The following RHPN1 variants were observed in gnomAD, a reference collection of about 807,000 sequenced individuals.
RHPN1 encodes the protein rhophilin Rho GTPase binding protein 1.
In RHPN1, 77 loss-of-function variants were observed where a neutral mutation model predicts 74.7. The ratio of observed to expected loss-of-function variants is 1.03; its 90% CI spans 0.86 to 1.25. The LOEUF is 1.25. Ranked by LOEUF, RHPN1 falls within the 50% of genes most tolerant of loss-of-function variation. The probability of loss-of-function intolerance (pLI) is 0.00; values close to 1 mark genes in which losing one functional copy is unlikely to be tolerated. For missense variants in RHPN1, 987 were observed against 932.2 expected (o/e 1.06, Z -0.77); for synonymous variants, 444 against 414.5 (o/e 1.07, Z -0.87).
chr8:143,379,998 C>A lies in RHPN1; in HGVS notation c.1102+13C>A, dbSNP rs747267933. The A allele has an allele frequency of 1.9e-6, 3 of 1,556,140 alleles. No homozygotes were observed. The highest frequency in any genetic ancestry group is 4.8e-5 in the East Asian group (2 of 41,252). On this transcript the variant is annotated intron_variant, in intron 9 of 14. Transcript: ENST00000289013. ...TGCGACGGCTCCCGTGAGTGCCCAC[C>A]ACACTTGCCCATGGTACTGCCAAGG...
chr8:143,375,123 GA>G (rs1401458297), intron 1 of RHPN1, among the ~76,000 whole-genome samples: 4 of 152,142 alleles, frequency 2.6e-5, no homozygotes, highest in Non-Finnish European at 5.9e-5. Context: ...AGTTGGATGG[GA>G]AAAAAATTGG....
intron 10 of RHPN1, 161 bp from the exon 11 acceptor site, chr8:143,380,428 C>T: frequency 1.4e-6 from 1 of 698,102 alleles, no homozygotes; most frequent in East Asian, 2.8e-5. Flanking sequence ...TTGCACGTGG[C>T]AGAGCCCTCC....
intron 1 of RHPN1, chr8:143,374,258 C>T (rs1269263510): frequency 2.0e-5 from 20 of 985,342 alleles, no homozygotes; most frequent in Non-Finnish European, 2.4e-5. Context: ...AGTGCGTGTG[C>T]ACGTTGGCCC....
At chr8:143,376,232 A>T (rs941544703) in intron 2 of RHPN1, among the ~76,000 whole-genome samples, 2 of 152,218 alleles carry the variant, frequency 1.3e-5, no homozygotes, top group African/African-American at 4.8e-5. Flanking sequence ...AGTGCTGTCG[A>T]GGGCTGTATG....
intron 1 of RHPN1, among the ~76,000 whole-genome samples, chr8:143,371,174 C>T (rs1289240526): frequency 3.9e-5 from 6 of 152,170 alleles, no homozygotes; most frequent in African/African-American, 9.7e-5. Flanking sequence ...ATTCCTCTGG[C>T]GTGCGTGCTG....
At chr8:143,365,304 G>A (rs1404684047), upstream of RHPN1, among the ~76,000 whole-genome samples, 1 of 152,158 alleles carries the variant, frequency 6.6e-6, no homozygotes, top group East Asian at 1.9e-4. Flanking sequence ...GAATGCCCCA[G>A]CACCCACTGG....
At position 143,380,002 on chromosome 8, in the gene RHPN1, C is replaced by G. The variant is rs749094920; in HGVS notation, c.1102+17C>G. ...ACGGCTCCCGTGAGTGCCCACCACA[C>G]TTGCCCATGGTACTGCCAAGGCCCC... On this transcript the variant is annotated intron_variant, in intron 9 of 14. Coordinates refer to ENST00000289013, the MANE Select transcript of RHPN1 (RefSeq NM_052924.3). 6.4e-7 allele frequency: 1 copy of G among 1,553,388 alleles called. No individual in the cohort carries two copies. The highest frequency in any genetic ancestry group is 8.7e-7 in the Non-Finnish European group (1 of 1,149,410).
intron 1 of RHPN1, 150 bp downstream of exon 1, chr8:143,369,197 C>A: frequency 1.8e-6 from 1 of 568,620 alleles, no homozygotes; most frequent in Non-Finnish European, 2.9e-6. Context: ...CTGCGTCCCT[C>A]CTCCTCTGAG....
rs912243871 is a variant in RHPN1 at position 143,380,734 on chromosome 8, C to G, written c.1362C>G (p.Leu454=). ...GCTCACTGGCCAAGTATGCGGAGCT[C>G]GACCGTGAGGATGACTTCTGTGAGG... The part of the protein sequence containing the change: ...LQRSLAKYAE[L]DREDDFCEAA... The change falls in exon 11 of 15, where the codon CTC becomes CTG. Residue 454 remains leucine, a synonymous_variant. Coordinates refer to ENST00000289013, the MANE Select transcript of RHPN1 (RefSeq NM_052924.3). 2 of 1,594,616 alleles carry G rather than the reference C, an allele frequency of 1.3e-6. No individual in the cohort carries two copies. Among genetic ancestry groups the G allele is most frequent in the African/African-American group, 1.3e-5 (1 of 74,550 alleles).
In RHPN1 at chr8:143,369,824, C is replaced by T. The variant is rs527759366; in HGVS notation, c.60+777C>T. Among the ~76,000 whole-genome samples the T allele has an allele frequency of 4.6e-5, 7 of 152,384 alleles. No individual in the cohort carries two copies. In the South Asian group the frequency reaches 1.4e-3, roughly 32 times the overall value. ...CCTTTGATAGCGCGCGGCCCTCCTC[C>T]CCTCTGGGACGTCAGACTGTGTTGT... On this transcript the variant is annotated intron_variant, in intron 1 of 14. Coordinates refer to ENST00000289013, the MANE Select transcript of RHPN1 (RefSeq NM_052924.3).
chr8:143,381,209 A>T (rs1818699823), intron 11 of RHPN1, 59 bp from the exon 12 acceptor site: 1 of 1,465,920 alleles, frequency 6.8e-7, no homozygotes, highest in Non-Finnish European at 9.4e-7. Flanking sequence ...CGCCCTGGAA[A>T]ATCCCCGAGG....
At position 143,380,637 on chromosome 8, in the gene RHPN1, G is replaced by T. The variant is rs763403674; in HGVS notation, c.1265G>T (p.Arg422Leu). 1.9e-6 allele frequency: 3 copies of T among 1,558,154 alleles called. No homozygotes were observed. The highest frequency in any genetic ancestry group is 4.8e-5 in the East Asian group (2 of 41,628). The change falls in exon 11 of 15, where the codon CGG becomes CTG. Residue 422 changes from arginine (R) to leucine (L), a missense_variant. Coordinates refer to ENST00000289013, the MANE Select transcript of RHPN1 (RefSeq NM_052924.3). ...RAILGQEEAL[R>L]LHALCRVLRE... ...ATCCTGGGGCAGGAGGAGGCGCTGC[G>T]GCTGCACGCCCTGTGCCGCGTCCTG...
chr8:143,379,043 C>T lies in RHPN1; in HGVS notation c.716C>T (p.Ala239Val), dbSNP rs1169238739. ...ARQDRSCTEG[A>V]RRAMEAFQRA... ...CAGGACCGCTCCTGCACCGAGGGTG[C>T]CCGCCGCGCTATGGAGGCCTTCCAG... Residue 239 changes from alanine to valine, a missense_variant, in exon 7 of 15, where the codon GCC (alanine) becomes GTC (valine). Coordinates refer to ENST00000289013, the MANE Select transcript of RHPN1 (RefSeq NM_052924.3). The T allele has an allele frequency of 1.9e-6, 3 of 1,541,254 alleles. No homozygotes were observed. Among genetic ancestry groups the T allele is most frequent in the East Asian group, 2.5e-5 (1 of 40,760 alleles).
Position 143,378,838 on chromosome 8 carries a change from G to A in RHPN1, c.584+18G>A, listed in dbSNP as rs559934758. On this transcript the variant is annotated intron_variant, in intron 6 of 14. Transcript: ENST00000289013. ...TTCCACTGGTAGGGGCTCTGCGGGC[G>A]GAGGCACCCTGGGGAGGGGAGGCCC... 100 of 1,565,838 alleles carry A rather than the reference G, an allele frequency of 6.4e-5. 1 individual carries two copies. The highest frequency in any genetic ancestry group is 7.6e-5 in the Non-Finnish European group (88 of 1,155,778).
In RHPN1 at chr8:143,380,142, C is replaced by A; in HGVS notation, c.1183C>A (p.Leu395Met). 2.6e-6 allele frequency: 4 copies of A among 1,548,612 alleles called. No homozygotes were observed. The highest frequency in any genetic ancestry group is 3.5e-6 in the Non-Finnish European group (4 of 1,147,410). The change falls in exon 10 of 15, where the codon CTG becomes ATG. Residue 395 changes from leucine to methionine, a missense_variant. By Grantham distance (15) the Leu-to-Met change is conservative. Transcript: ENST00000289013. ...PTSSKPRGPV[L>M]PQELEERRQL... is the part of the protein sequence containing the mutation. ...CTCCTCTAAGCCCCGAGGCCCTGTG[C>A]TGCCGCAGGAGCTGGAGGAGCGCAG...
At chr8:143,371,719 C>T (rs1817833414) in intron 1 of RHPN1, among the ~76,000 whole-genome samples, 1 of 152,224 alleles carries the variant, frequency 6.6e-6, no homozygotes, top group Non-Finnish European at 1.5e-5. Context: ...TCGGGACCCC[C>T]ACAGACCACA....
intron 5 of RHPN1, 100 bp from the exon 6 acceptor site, chr8:143,378,596 C>T (rs1316888191): frequency 2.1e-5 from 30 of 1,442,866 alleles, no homozygotes; most frequent in Non-Finnish European, 2.5e-5. Context: ...GGCTTTGCCT[C>T]CCCGCCCCCC....
At chr8:143,369,081 G>T (rs1817659753) in intron 1 of RHPN1, 34 bp downstream of exon 1, 2 of 1,445,608 alleles carry the variant, frequency 1.4e-6, no homozygotes, top group South Asian at 2.7e-5. Flanking sequence ...GGGAGGAGGG[G>T]CCCGGAATCC....
chr8:143,380,272 C>A, intron 10 of RHPN1, 97 bp downstream of exon 10: 1 of 890,486 alleles, frequency 1.1e-6, no homozygotes, highest in Non-Finnish European at 1.7e-6. Flanking sequence ...CACCTGCTGT[C>A]CCCGTGCTGA....
Sources: gnomAD v4.1 joint callset for allele counts (sites outside exome capture counted in the v4.1 genomes callset) on GRCh38, gnomAD v4.1.1 for gene constraint, MANE v1.5 for transcripts, NCBI Gene and HGNC (gene_info 2026-07-23, HGNC 2026-07-21) for gene names.